The following BROX variants were observed in gnomAD, a reference collection of about 807,000 sequenced individuals.
The protein encoded by BROX is BRO1 domain-containing protein BROX.
Under a neutral mutation model 61.0 loss-of-function variants are expected in BROX, and 53 were observed. That is an observed-to-expected ratio of 0.87 (90% CI 0.70 to 1.09). The LOEUF (loss-of-function observed/expected upper bound fraction) is 1.09. BROX is among the 50% of genes least tolerant of loss of function. The pLI, the probability that BROX is intolerant of heterozygous loss-of-function variation, is 0.00. For synonymous variants in BROX, 152 were observed against 160.2 expected (o/e 0.95, Z 0.38); for missense variants, 489 against 472.0 (o/e 1.04, Z -0.33).
rs1362449064 is a variant in BROX at position 222,732,721 on chromosome 1, A to G, written c.*7A>G. ...TGGGTGCTACATCTCCTAAAATACA[A>G]CTTGCACTTAGAATTTCTCTAGCAG... On this transcript the variant is annotated 3_prime_UTR_variant, in exon 13 of 13. Coordinates refer to ENST00000340934, the MANE Select transcript of BROX (RefSeq NM_144695.4). 3.1e-6 allele frequency: 5 copies of G among 1,595,990 alleles called. No individual in the cohort carries two copies. Among genetic ancestry groups the G allele is most frequent in the Admixed American group, 3.4e-5 (2 of 58,610 alleles).
intron 4 of BROX, among the ~76,000 whole-genome samples, chr1:222,721,515 G>A (rs1436730043): frequency 2.0e-5 from 3 of 151,708 alleles, no homozygotes; most frequent in East Asian, 1.9e-4. Flanking sequence ...TTAGTATTAC[G>A]TGTGTAAAAT....
At chr1:222,719,902 C>T (rs181940629) in intron 4 of BROX, among the ~76,000 whole-genome samples, 135 of 152,264 alleles carry the variant, frequency 8.9e-4, no homozygotes, top group African/African-American at 3.1e-3. Flanking sequence ...CTAATTATAA[C>T]GAAACAGATC....
intron 2 of BROX, among the ~76,000 whole-genome samples, chr1:222,717,590 T>C (rs1268279698): frequency 6.6e-6 from 1 of 152,198 alleles, no homozygotes. Flanking sequence ...TCTAGAGAAA[T>C]ATCTCAAACA....
chr1:222,730,083 C>A lies in BROX; in HGVS notation c.895C>A (p.Pro299Thr). Residue 299 changes from proline (P) to threonine (T), a missense_variant, in exon 11 of 13, where the codon CCA becomes ACA. Transcript: ENST00000340934. ...ATATGGAGAAACCAAAGGACCTGGA[C>A]CAACAGTCAAACCTTCAGGACATCT... ...KEYGETKGPG[P>T]TVKPSGHLFF... The A allele has an allele frequency of 6.2e-7, 1 of 1,613,320 alleles. No homozygotes were observed. The highest frequency in any genetic ancestry group is 8.5e-7 in the Non-Finnish European group (1 of 1,179,614).
At chr1:222,725,710 G>C (rs917428698) in intron 7 of BROX, among the ~76,000 whole-genome samples, 155 bp downstream of exon 7, 5 of 152,086 alleles carry the variant, frequency 3.3e-5, no homozygotes, top group African/African-American at 1.2e-4. Flanking sequence ...AGGAGTTCAA[G>C]AACAGCCTGG....
At position 222,712,605 on chromosome 1, in the gene BROX, C is replaced by T. The variant is rs1656133533; in HGVS notation, c.-354C>T. ...CCATCGCTATTGCGGCATTCTCCCT[C>T]GGCTCCGGAGGTAGGGGCAACTCTT... On this transcript the variant is annotated 5_prime_UTR_variant, in exon 1 of 13. Transcript: ENST00000340934. The T allele has an allele frequency of 7.4e-7, 1 of 1,344,582 alleles. No individual in the cohort carries two copies. Among genetic ancestry groups the T allele is most frequent in the Non-Finnish European group, 9.7e-7 (1 of 1,031,590 alleles). The allele number at this position is 1,344,582 out of a possible 1,614,324, so 83.3% of individuals were successfully genotyped here.
chr1:222,723,788 C>T (rs775742747), intron 5 of BROX, among the ~76,000 whole-genome samples: 9 of 152,204 alleles, frequency 5.9e-5, no homozygotes, highest in Middle Eastern at 3.4e-3. Flanking sequence ...AAGTGATTTT[C>T]GTGCCTCAGC....
At chr1:222,721,194 G>A (rs950755317) in intron 4 of BROX, among the ~76,000 whole-genome samples, 4 of 152,120 alleles carry the variant, frequency 2.6e-5, no homozygotes, top group Non-Finnish European at 5.9e-5. Flanking sequence ...ATCTCCAGAT[G>A]TAATTCATTT....
chr1:222,729,761 A>G, intron 10 of BROX, 60 bp downstream of exon 10: 2 of 1,486,674 alleles, frequency 1.3e-6, no homozygotes, highest in South Asian at 1.2e-5. Context: ...TTATCATAAA[A>G]GGGAATATAT....
At chr1:222,721,298 G>T (rs1236260103) in intron 4 of BROX, among the ~76,000 whole-genome samples, 1 of 150,862 alleles carries the variant, frequency 6.6e-6, no homozygotes, top group Admixed American at 6.6e-5. Context: ...GTTCATAACT[G>T]TCATTTTTGG....
Position 222,725,475 on chromosome 1 carries a change from C to T in BROX, c.500C>T (p.Thr167Ile), listed in dbSNP as rs1657432754. ...GAAAGTCATCTCCCAAAACTCATTACACCTGCGGAAAAAGGAAGAGATTTA... is the reference window on the plus strand; with the variant it reads ...GAAAGTCATCTCCCAAAACTCATTATACCTGCGGAAAAAGGAAGAGATTTA... ...LKESHLPKLI[T>I]PAEKGRDLES... Residue 167 changes from threonine to isoleucine, a missense_variant, in exon 7 of 13, where the codon ACA becomes ATA. By Grantham distance (89) the Thr-to-Ile change is moderately conservative (BLOSUM62 -1). Coordinates refer to ENST00000340934, the MANE Select transcript of BROX (RefSeq NM_144695.4). 1 of 1,611,848 alleles carries T rather than the reference C, an allele frequency of 6.2e-7. No individual in the cohort carries two copies. Among genetic ancestry groups the T allele is most frequent in the Non-Finnish European group, 8.5e-7 (1 of 1,179,224 alleles).
intron 1 of BROX, chr1:222,713,929 A>G (rs1191606783): frequency 6.6e-6 from 1 of 152,218 alleles, no homozygotes; most frequent in Non-Finnish European, 1.5e-5. Context: ...CTATTCATTA[A>G]GTATGTGGTG....
rs17163466 is a variant in BROX, at chr1:222,735,104, G to T, written c.*2390G>T. 1 of 152,178 alleles carries T rather than the reference G, an allele frequency of 6.6e-6. No homozygotes were observed. Among genetic ancestry groups the T allele is most frequent in the African/African-American group, 2.4e-5 (1 of 41,440 alleles). The allele number at this position is 152,178 out of a possible 1,614,324, so 9.4% of individuals were successfully genotyped here. On this transcript the variant is annotated 3_prime_UTR_variant, in exon 13 of 13. Transcript: ENST00000340934. ...TATTACATGGATTTCATACTAGGCAGTGACAACTAACATGTTACTTCAACT... is the reference window on the plus strand; with the variant it reads ...TATTACATGGATTTCATACTAGGCATTGACAACTAACATGTTACTTCAACT...
chr1:222,712,998 A>T, intron 1 of BROX, 56 bp downstream of exon 1: 1 of 1,173,066 alleles, frequency 8.5e-7, no homozygotes, highest in Non-Finnish European at 1.1e-6. Flanking sequence ...ACTTCCCCGG[A>T]GTCTCAAGCA....
chr1:222,725,956 AG>A (rs1434515842), intron 7 of BROX, among the ~76,000 whole-genome samples: 16 of 152,242 alleles, frequency 1.1e-4, no homozygotes, highest in African/African-American at 3.9e-4. Flanking sequence ...AGCCAGAATC[AG>A]GCTTTAGATT....
chr1:222,712,744 C>A lies in BROX; in HGVS notation c.-215C>A. On this transcript the variant is annotated 5_prime_UTR_variant, in exon 1 of 13. Coordinates refer to ENST00000340934, the MANE Select transcript of BROX (RefSeq NM_144695.4). ...ACTGCAACGCCGCGGCAATACCCGC[C>A]CCTGAGCTGCGCGCACTACCGCCTC... 7.8e-7 allele frequency: 1 copy of A among 1,290,092 alleles called. No individual in the cohort carries two copies. Among genetic ancestry groups the A allele is most frequent in the Non-Finnish European group, 1.0e-6 (1 of 989,356 alleles). 79.9% of individuals were successfully genotyped at this position (1,290,092 alleles called of 1,614,324 possible). A position where few individuals can be genotyped will look rare whatever the true frequency, so the allele number is the denominator to read the frequency against.
Position 222,718,984 on chromosome 1 carries a change from C to A in BROX, c.161C>A (p.Pro54Gln). Reference sequence around the variant, plus strand: ...CTGTTCACTGATTTGAGCTGTAATCCAGAAATGATGAAGAATGCAGCAGAT... The same window carrying A: ...CTGTTCACTGATTTGAGCTGTAATCAAGAAATGATGAAGAATGCAGCAGAT... ...LELFTDLSCNPEMMKNAADSY... is the reference protein window; with the variant it reads ...LELFTDLSCNQEMMKNAADSY... Residue 54 changes from proline to glutamine, a missense_variant, in exon 3 of 13, where the codon CCA becomes CAA. Transcript: ENST00000340934. The A allele has an allele frequency of 6.2e-7, 1 of 1,613,840 alleles. No individual in the cohort carries two copies. Among genetic ancestry groups the A allele is most frequent in the South Asian group, 1.1e-5 (1 of 91,060 alleles).
At chr1:222,714,576 T>G (rs1656414688) in intron 1 of BROX, among the ~76,000 whole-genome samples, 1 of 144,612 alleles carries the variant, frequency 6.9e-6, no homozygotes, top group East Asian at 2.0e-4. Context: ...CAAGTTTTTG[T>G]TTTTTGTTTT....
Position 222,734,511 on chromosome 1 carries a change from A to G in BROX, c.*1797A>G, listed in dbSNP as rs1245241743. 6.6e-6 allele frequency: 1 copy of G among 152,206 alleles called. No homozygotes were observed. Among genetic ancestry groups the G allele is most frequent in the Non-Finnish European group, 1.5e-5 (1 of 68,032 alleles). 9.4% of individuals were successfully genotyped at this position (152,206 alleles called of 1,614,324 possible). A position where few individuals can be genotyped will look rare whatever the true frequency, so the allele number is the denominator to read the frequency against. On this transcript the variant is annotated 3_prime_UTR_variant, in exon 13 of 13. Transcript: ENST00000340934. The stretch of plus-strand genomic sequence containing the variant: ...GTGAGGTTTTTTTCTTAACATACAG[A>G]AGTACTAAATACTGCTTGCAGTATA...
Sources: allele counts gnomAD v4.1 joint callset (sites outside exome capture counted in the v4.1 genomes callset), GRCh38; gene constraint gnomAD v4.1.1; transcripts MANE v1.5; gene names NCBI Gene and HGNC (gene_info 2026-07-23, HGNC 2026-07-21).